The following VEZT variants were observed in gnomAD, a reference collection of about 807,000 sequenced individuals.
VEZT encodes the protein vezatin, adherens junctions transmembrane protein.
In VEZT, 39 loss-of-function variants were observed where a neutral mutation model predicts 79.9. The ratio of observed to expected loss-of-function variants is 0.49; its 90% CI spans 0.38 to 0.64. The LOEUF (loss-of-function observed/expected upper bound fraction) is 0.64. Ranked by LOEUF, VEZT falls within the 30% of genes least tolerant of loss-of-function variation. The probability of loss-of-function intolerance (pLI) is 0.00; values close to 1 mark genes in which losing one functional copy is unlikely to be tolerated. For synonymous variants in VEZT, 325 were observed against 327.6 expected (o/e 0.99, Z 0.09); for missense variants, 837 against 893.1 (o/e 0.94, Z 0.80).
At chr12:95,242,668 G>GT (rs1417322860) in intron 1 of VEZT, among the ~76,000 whole-genome samples, 4 of 152,176 alleles carry the variant, frequency 2.6e-5, no homozygotes, top group South Asian at 2.1e-4. Context: ...GAGGTCAGGA[G>GT]TTCGAGACCA....
chr12:95,224,154 T>C (rs932759507), intron 1 of VEZT: 4 of 455,940 alleles, frequency 8.8e-6, no homozygotes, highest in Non-Finnish European at 1.8e-5. Flanking sequence ...ATCACTGCAT[T>C]CCCTTGTCCT....
intron 1 of VEZT, among the ~76,000 whole-genome samples, chr12:95,241,331 C>G (rs951481571): frequency 1.3e-5 from 2 of 152,000 alleles, no homozygotes; most frequent in Admixed American, 1.3e-4. Context: ...GCCACCGTGC[C>G]TTGCCAACAG....
intron 8 of VEZT, among the ~76,000 whole-genome samples, chr12:95,283,416 A>G (rs2069690664): frequency 6.6e-6 from 1 of 152,072 alleles, no homozygotes; most frequent in African/African-American, 2.4e-5. Context: ...GTTGGGTTCA[A>G]ATTGTGTTGG....
intron 1 of VEZT, among the ~76,000 whole-genome samples, chr12:95,223,453 T>G (rs1454048240): frequency 6.6e-6 from 1 of 152,184 alleles, no homozygotes; most frequent in East Asian, 1.9e-4. Flanking sequence ...AGACTTTTCT[T>G]TTTTTTGAGA....
intron 8 of VEZT, chr12:95,286,486 T>A (rs1034066715): frequency 1.8e-6 from 1 of 553,786 alleles, no homozygotes; most frequent in Non-Finnish European, 3.6e-6. Context: ...TCTTTCAGGA[T>A]CAAGACCTCT....
At chr12:95,227,409 CG>C (rs2058657018) in intron 1 of VEZT, among the ~76,000 whole-genome samples, 2 of 148,654 alleles carry the variant, frequency 1.3e-5, no homozygotes, top group African/African-American at 5.0e-5. Flanking sequence ...GGCGTGATCT[CG>C]GGTCACTGCA....
intron 7 of VEZT, among the ~76,000 whole-genome samples, chr12:95,281,772 C>G (rs2139262465): frequency 6.6e-6 from 1 of 152,184 alleles, no homozygotes; most frequent in Admixed American, 6.5e-5. Context: ...TCTCAAACTC[C>G]TGACCTCAAG....
At chr12:95,269,575 T>A (rs533663573) in intron 5 of VEZT, among the ~76,000 whole-genome samples, 17 of 152,338 alleles carry the variant, frequency 1.1e-4, no homozygotes, top group African/African-American at 3.6e-4. Context: ...ACATATGTGA[T>A]GAACGTATGT....
chr12:95,289,813 C>G (rs2139629342), intron 9 of VEZT, among the ~76,000 whole-genome samples: 1 of 152,220 alleles, frequency 6.6e-6, no homozygotes. Context: ...AGAAAAGTTG[C>G]AATAGTTGAA....
chr12:95,302,524 T>C lies in VEZT; in HGVS notation c.*1851T>C, dbSNP rs2075323421. ...TCTTGCAGCTTTATTTGAGTATTTG[T>C]TCTTTTGTGTAGTTTCCATCTTTTA... is the stretch of plus-strand genomic sequence containing the variant. On this transcript the variant is annotated 3_prime_UTR_variant, in exon 12 of 12. Transcript: ENST00000436874. 1 of 152,186 alleles carries C rather than the reference T, an allele frequency of 6.6e-6. No individual in the cohort carries two copies. The highest frequency in any genetic ancestry group is 1.5e-5 in the Non-Finnish European group (1 of 68,016). 9.4% of individuals were successfully genotyped at this position (152,186 alleles called of 1,614,324 possible).
chr12:95,244,201 T>G (rs1036596453), intron 1 of VEZT, among the ~76,000 whole-genome samples: 18 of 151,918 alleles, frequency 1.2e-4, no homozygotes, highest in African/African-American at 4.1e-4. Context: ...GAGACCAGCC[T>G]GGGCAACATA....
rs920277641 is a variant in VEZT at position 95,280,849 on chromosome 12, A to G, written c.997-1464A>G. On this transcript the variant is annotated intron_variant, in intron 7 of 11. Coordinates refer to ENST00000436874, the MANE Select transcript of VEZT (RefSeq NM_017599.4). ...TAATCATAAAATTTAACAGTTGAAT[A>G]AGAAGGCTTGCAAGTAAACTTGCAA... Among the ~76,000 whole-genome samples, 6 of 152,334 alleles carry G rather than the reference A, an allele frequency of 3.9e-5. No individual in the cohort carries two copies. In the South Asian group the frequency reaches 1.2e-3, roughly 32 times the overall value.
intron 10 of VEZT, 116 bp downstream of exon 10, chr12:95,294,488 C>A: frequency 1.2e-6 from 1 of 841,696 alleles, no homozygotes; most frequent in Non-Finnish European, 1.8e-6. Flanking sequence ...GTGCTTAACT[C>A]TGAATTCATT....
intron 7 of VEZT, among the ~76,000 whole-genome samples, chr12:95,278,987 T>C (rs527252181): frequency 6.6e-6 from 1 of 152,314 alleles, no homozygotes; most frequent in South Asian, 2.1e-4. Context: ...GGAGAATCGC[T>C]TGAACCCAGG....
chr12:95,264,801 C>T (rs1196280524), intron 4 of VEZT, among the ~76,000 whole-genome samples: 2 of 114,280 alleles, frequency 1.8e-5, no homozygotes. Flanking sequence ...ATAACTCTTT[C>T]CAAATATTGC....
chr12:95,234,832 G>A (rs959307429), intron 1 of VEZT, among the ~76,000 whole-genome samples: 1 of 152,144 alleles, frequency 6.6e-6, no homozygotes, highest in African/African-American at 2.4e-5. Context: ...GTCCCTGGGT[G>A]CTTGAGATTA....
chr12:95,261,707 G>A (rs759860355), intron 3 of VEZT, among the ~76,000 whole-genome samples: 4 of 152,110 alleles, frequency 2.6e-5, no homozygotes, highest in African/African-American at 4.8e-5. Flanking sequence ...CACTGCACCC[G>A]GCCTCTATTT....
At position 95,294,331 on chromosome 12, in the gene VEZT, A is replaced by G. The variant is rs1219388926; in HGVS notation, c.1582A>G (p.Thr528Ala). ...HCTVVPLKQP[T>A]LHIADKDPIP... ...TACAGTAGTACCTTTGAAGCAGCCT[A>G]CTCTACACATTGCAGACAAAGATCC... The change falls in exon 10 of 12, where the codon ACT becomes GCT. Residue 528 changes from threonine (T) to alanine (A), a missense_variant. Physicochemically the swap from Thr to Ala is moderately conservative, Grantham distance 58 (BLOSUM62 0). Transcript: ENST00000436874. 10 of 1,591,860 alleles carry G rather than the reference A, an allele frequency of 6.3e-6. No individual in the cohort carries two copies. The highest frequency in any genetic ancestry group is 8.6e-6 in the Non-Finnish European group (10 of 1,168,626).
At chr12:95,224,070 A>G in intron 1 of VEZT, 1 of 423,694 alleles carries the variant, frequency 2.4e-6, no homozygotes, top group Non-Finnish European at 4.8e-6. Flanking sequence ...TGAGGGATTG[A>G]TGTTATCATT....
Sources: allele counts gnomAD v4.1 joint callset (sites outside exome capture counted in the v4.1 genomes callset), GRCh38; gene constraint gnomAD v4.1.1; transcripts MANE v1.5; gene names NCBI Gene and HGNC (gene_info 2026-07-23, HGNC 2026-07-21).